MEFV: variants seen among roughly 807,000 people sequenced by gnomAD.
MEFV encodes the protein pyrin.
MEFV carries 60 observed loss-of-function variants against 62.5 expected under a neutral mutation model. The ratio of observed to expected loss-of-function variants is 0.96; its 90% CI spans 0.78 to 1.19. The LOEUF (loss-of-function observed/expected upper bound fraction) is 1.19, where lower values mean the gene tolerates loss of function less well. Ranked by LOEUF, MEFV falls within the 50% of genes most tolerant of loss-of-function variation. MEFV has a pLI of 0.00. For synonymous variants in MEFV, 500 were observed against 415.2 expected (o/e 1.20, Z -2.48); for missense variants, 1,169 against 1,004.5 (o/e 1.16, Z -2.21).
rs746562155 is a variant in MEFV, at chr16:3,254,423, C to G, written c.645G>C (p.Gly215=). The change falls in exon 2 of 10, where the codon GGG becomes GGC. Residue 215 remains glycine, a synonymous_variant. Transcript: ENST00000219596. ...RNASSAGRLQ[G]LAGGAPGQKE... Reference sequence around the variant, plus strand: ...TCTGCCCCGGGGCGCCCCCCGCCAGCCCCTGCAGCCTCCCCGCGGAGCTGG... The same window carrying G: ...TCTGCCCCGGGGCGCCCCCCGCCAGGCCCTGCAGCCTCCCCGCGGAGCTGG... 6.2e-7 allele frequency: 1 copy of G among 1,612,600 alleles called. No homozygotes were observed.
In MEFV at chr16:3,248,971, T is replaced by C. The variant is rs762728076; in HGVS notation, c.1294A>G (p.Lys432Glu). 1.5e-5 allele frequency: 25 copies of C among 1,614,120 alleles called. No homozygotes were observed. The highest frequency in any genetic ancestry group is 2.1e-5 in the Non-Finnish European group (25 of 1,180,034). ...TGCTCCTCCCCTGATTTTCTCAGCTTCTTCAGATGCTCCAGCTGCTTCTGA... is the reference window on the plus strand; with the variant it reads ...TGCTCCTCCCCTGATTTTCTCAGCTCCTTCAGATGCTCCAGCTGCTTCTGA... Reference protein sequence around the residue: ...KIQKQLEHLKKLRKSGEEQRS... With the variant: ...KIQKQLEHLKELRKSGEEQRS... Residue 432 changes from lysine to glutamate, a missense_variant, in exon 4 of 10, where the codon AAG (lysine) becomes GAG (glutamate). Lys to Glu is a moderately conservative substitution (Grantham distance 56). Coordinates refer to ENST00000219596, the MANE Select transcript of MEFV (RefSeq NM_000243.3).
At position 3,243,248 on chromosome 16, in the gene MEFV, A is replaced by G; in HGVS notation, c.2239T>C (p.Ser747Pro). ...ATAGGTTGAAGGGGCCCAGAGAAAG[A>G]GCAGCTGGCGAATGTATAGATGTGG... ...RSHIYTFASC[S>P]FSGPLQPIFS... The change falls in exon 10 of 10, where the codon TCT becomes CCT. Residue 747 changes from serine to proline, a missense_variant. Transcript: ENST00000219596. 1.9e-6 allele frequency: 3 copies of G among 1,614,214 alleles called. No homozygotes were observed. The highest frequency in any genetic ancestry group is 2.5e-6 in the Non-Finnish European group (3 of 1,180,036).
At chr16:3,246,571 G>C (rs919013107) in intron 5 of MEFV, 24 bp from the exon 6 acceptor site, 2 of 1,613,954 alleles carry the variant, frequency 1.2e-6, no homozygotes, top group African/African-American at 2.7e-5. Flanking sequence ...GAAGGAAACT[G>C]TCGGTTACCA....
At chr16:3,245,251 G>A (rs189660123) in intron 6 of MEFV, among the ~76,000 whole-genome samples, 33 of 151,932 alleles carry the variant, frequency 2.2e-4, no homozygotes, top group Admixed American at 7.9e-4. Context: ...CTGTGCCACT[G>A]CTCTCCAGCC....
chr16:3,253,625 T>A (rs1258562629), intron 2 of MEFV, among the ~76,000 whole-genome samples: 1 of 152,118 alleles, frequency 6.6e-6, no homozygotes, highest in East Asian at 1.9e-4. Context: ...GCAATCCTCC[T>A]GCCTCAGCTT....
In MEFV at chr16:3,254,471, G is replaced by A; in HGVS notation, c.597C>T (p.Ala199=). ...TGGCGTTTCTGCGCAGCCGGACCTC[G>A]GCCTGGCCCCCCTCTAGCGCCCTGC... ...GPCRALEGGQ[A]EVRLRRNASS... Residue 199 remains alanine (A), a synonymous_variant, in exon 2 of 10, where the codon GCC becomes GCT. Coordinates refer to ENST00000219596, the MANE Select transcript of MEFV (RefSeq NM_000243.3). 1 of 1,598,446 alleles carries A rather than the reference G, an allele frequency of 6.3e-7. No homozygotes were observed. Among genetic ancestry groups the A allele is most frequent in the Non-Finnish European group, 8.5e-7 (1 of 1,173,454 alleles).
intron 6 of MEFV, chr16:3,246,275 G>T: frequency 1.8e-6 from 1 of 566,028 alleles, no homozygotes; most frequent in Non-Finnish European, 3.2e-6. Context: ...CCTCCATCTT[G>T]TTTCAGCAGG....
chr16:3,254,319 C>G lies in MEFV; in HGVS notation c.749G>C (p.Gly250Ala), dbSNP rs776333795. 4 of 1,614,240 alleles carry G rather than the reference C, an allele frequency of 2.5e-6. No homozygotes were observed. The highest frequency in any genetic ancestry group is 2.5e-6 in the Non-Finnish European group (3 of 1,180,044). ...PRSLEVTIST[G>A]EKAPANPEIL... ...TTCTGGATTTGCGGGCGCCTTCTCC[C>G]CTGTAGAAATGGTGACCTCAAGGCT... Residue 250 changes from glycine (G) to alanine (A), a missense_variant, in exon 2 of 10, where the codon GGG (glycine) becomes GCG (alanine). Gly to Ala is a moderately conservative substitution (Grantham distance 60). Transcript: ENST00000219596.
Position 3,248,980 on chromosome 16 carries a change from G to T in MEFV, c.1285C>A (p.His429Asn). The change falls in exon 4 of 10, where the codon CAT (histidine) becomes AAT (asparagine). Residue 429 changes from histidine to asparagine, a missense_variant. Coordinates refer to ENST00000219596, the MANE Select transcript of MEFV (RefSeq NM_000243.3). ...HKKKIQKQLE[H>N]LKKLRKSGEE... ...CCTGATTTTCTCAGCTTCTTCAGAT[G>T]CTCCAGCTGCTTCTGAATTTTCTTC... The T allele has an allele frequency of 6.2e-7, 1 of 1,614,220 alleles. No homozygotes were observed. Among genetic ancestry groups the T allele is most frequent in the South Asian group, 1.1e-5 (1 of 91,088 alleles).
rs555286677 is a variant in MEFV at position 3,255,942 on chromosome 16, C to G, written c.277+369G>C. ...CATGGTGAACAGCACTGAGAAGATT[C>G]TATACCAACCCCGTTCATATGATTG... On this transcript the variant is annotated intron_variant, in intron 1 of 9. Coordinates refer to ENST00000219596, the MANE Select transcript of MEFV (RefSeq NM_000243.3). Among the ~76,000 whole-genome samples the G allele has an allele frequency of 2.6e-5, 4 of 152,094 alleles. No homozygotes were observed. In the East Asian group the frequency reaches 7.9e-4, roughly 30 times the overall value.
chr16:3,242,524 C>A lies in MEFV; in HGVS notation c.*617G>T, dbSNP rs1329487227. On this transcript the variant is annotated 3_prime_UTR_variant, in exon 10 of 10. Transcript: ENST00000219596. ...CGTCTCTACTAAAAATACAAGAAAA[C>A]CAGCCTGGTGTGGTGGCACGCACCT... 3 of 163,722 alleles carry A rather than the reference C, an allele frequency of 1.8e-5. No individual in the cohort carries two copies. Among genetic ancestry groups the A allele is most frequent in the African/African-American group, 4.9e-5 (2 of 41,042 alleles). The allele number at this position is 163,722 out of a possible 1,614,324, so 10.1% of individuals were successfully genotyped here.
chr16:3,250,688 A>G (rs549603126), intron 2 of MEFV, among the ~76,000 whole-genome samples: 2 of 151,676 alleles, frequency 1.3e-5, no homozygotes, highest in South Asian at 4.2e-4. Context: ...CCAAGACTCT[A>G]ATTGCAACTT....
Position 3,243,084 on chromosome 16 carries a change from G to T in MEFV, c.*57C>A. The T allele has an allele frequency of 6.3e-7, 1 of 1,578,230 alleles. No homozygotes were observed. Among genetic ancestry groups the T allele is most frequent in the South Asian group, 1.1e-5 (1 of 90,108 alleles). ...ACCTAGTCGGCATTCCGTGACTATT[G>T]AGTGTGAATGCAAGATACAAGGCCA... is the stretch of plus-strand genomic sequence containing the variant. On this transcript the variant is annotated 3_prime_UTR_variant, in exon 10 of 10. Coordinates refer to ENST00000219596, the MANE Select transcript of MEFV (RefSeq NM_000243.3).
At chr16:3,247,286 G>A (rs781263148) in intron 4 of MEFV, 40 bp from the exon 5 acceptor site, 2 of 1,583,164 alleles carry the variant, frequency 1.3e-6, no homozygotes, top group Admixed American at 1.7e-5. Flanking sequence ...GGTCTGTGCT[G>A]TGGGTGGACG....
At chr16:3,245,642 AAGAG>A (rs141386847) in intron 6 of MEFV, among the ~76,000 whole-genome samples, 1 of 151,324 alleles carries the variant, frequency 6.6e-6, no homozygotes, top group Non-Finnish European at 1.5e-5. Context: ...TTCAAAAAAA[AAGAG>A]AGAGAGAGAG....
In MEFV at chr16:3,256,346, A is replaced by G. The variant is rs1472154255; in HGVS notation, c.242T>C (p.Leu81Pro). ...LQVLRAINQR[L>P]LAEELHRAAI... is the part of the protein sequence containing the mutation. ...TGCCCTGTGGAGCTCCTCGGCCAGC[A>G]GGCGCTGGTTGATGGCCCGCAGGAC... Residue 81 changes from leucine (L) to proline (P), a missense_variant, in exon 1 of 10, where the codon CTG (leucine) becomes CCG (proline). Coordinates refer to ENST00000219596, the MANE Select transcript of MEFV (RefSeq NM_000243.3). The G allele has an allele frequency of 6.2e-7, 1 of 1,613,958 alleles. No homozygotes were observed. Among genetic ancestry groups the G allele is most frequent in the Non-Finnish European group, 8.5e-7 (1 of 1,180,016 alleles).
chr16:3,254,360 TC>T lies in MEFV; in HGVS notation c.707del (p.Gly236GlufsTer26). The part of the protein sequence containing the change: ...CRPFEVYLPS[G>X]KMRPRSLEVT... ...CCTCAAGGCTTCTAGGTCGCATCTTTCCCGAGGGCAGGTACACTTCGAAGGG... is the reference window on the plus strand; with the variant it reads ...CCTCAAGGCTTCTAGGTCGCATCTTTCCGAGGGCAGGTACACTTCGAAGGG... On this transcript the variant is annotated frameshift_variant, in exon 2 of 10. Coordinates refer to ENST00000219596, the MANE Select transcript of MEFV (RefSeq NM_000243.3). LOFTEE classifies it high-confidence loss of function. 6.2e-7 allele frequency: 1 copy of T among 1,614,202 alleles called. No individual in the cohort carries two copies. The highest frequency in any genetic ancestry group is 8.5e-7 in the Non-Finnish European group (1 of 1,180,008).
At position 3,256,525 on chromosome 16, in the gene MEFV, G is replaced by C. The variant is rs1959118627; in HGVS notation, c.63C>G (p.Phe21Leu). The C allele has an allele frequency of 6.2e-7, 1 of 1,614,156 alleles. No homozygotes were observed. Among genetic ancestry groups the C allele is most frequent in the African/African-American group, 1.3e-5 (1 of 75,038 alleles). The change falls in exon 1 of 10, where the codon TTC becomes TTG. Residue 21 changes from phenylalanine (F) to leucine (L), a missense_variant. By Grantham distance (22) the Phe-to-Leu change is conservative. Coordinates refer to ENST00000219596, the MANE Select transcript of MEFV (RefSeq NM_000243.3). ...TCTGCAGCTTGAACTTGAACTTCTCGAAGTCATAGGGCACCAGCTCCTCCA... is the reference window on the plus strand; with the variant it reads ...TCTGCAGCTTGAACTTGAACTTCTCCAAGTCATAGGGCACCAGCTCCTCCA... ...STLEELVPYD[F>L]EKFKFKLQNT...
At position 3,254,616 on chromosome 16, in the gene MEFV, C is replaced by G. The variant is rs886043273; in HGVS notation, c.452G>C (p.Arg151Thr). ...SLRCSQPEAG[R>T]GLSRKPLSKR... The stretch of plus-strand genomic sequence containing the variant: ...GCTCAGGGGCTTCCTCGACAGCCCC[C>G]TCCCGGCCTCGGGCTGGCTGCACCG... Residue 151 changes from arginine to threonine, a missense_variant, in exon 2 of 10, where the codon AGG (arginine) becomes ACG (threonine). Physicochemically the swap from Arg to Thr is moderately conservative, Grantham distance 71 (BLOSUM62 -1). Coordinates refer to ENST00000219596, the MANE Select transcript of MEFV (RefSeq NM_000243.3). 5 of 1,603,456 alleles carry G rather than the reference C, an allele frequency of 3.1e-6. No individual in the cohort carries two copies. The highest frequency in any genetic ancestry group is 4.2e-6 in the Non-Finnish European group (5 of 1,177,030).
Sources: allele counts gnomAD v4.1 joint callset (sites outside exome capture counted in the v4.1 genomes callset), GRCh38; gene constraint gnomAD v4.1.1; transcripts MANE v1.5; gene names NCBI Gene and HGNC (gene_info 2026-07-23, HGNC 2026-07-21).